The following CLSTN2 variants were observed in gnomAD, a reference collection of about 807,000 sequenced individuals.
CLSTN2 encodes the protein calsyntenin-2.
A neutral mutation model predicts 101.2 loss-of-function variants in CLSTN2; 48 were observed. The observed-to-expected ratio is 0.47, with a 90% CI of 0.38 to 0.60. The LOEUF (loss-of-function observed/expected upper bound fraction) is 0.60. Ranked by LOEUF, CLSTN2 falls within the 20% of genes least tolerant of loss-of-function variation. The probability of loss-of-function intolerance (pLI) is 0.00; values close to 1 mark genes in which losing one functional copy is unlikely to be tolerated. For synonymous variants in CLSTN2, 481 were observed against 463.6 expected, an observed-to-expected ratio of 1.04 and a Z score of -0.48; for missense variants, 1,160 against 1,238.2, an observed-to-expected ratio of 0.94 and a Z score of 0.95.
At chr3:140,311,171 A>G (rs2087163292) in intron 2 of CLSTN2, among the ~76,000 whole-genome samples, 1 of 151,544 alleles carries the variant, frequency 6.6e-6, no homozygotes, top group Admixed American at 6.6e-5. Flanking sequence ...ATATCACCAG[A>G]TTTGCATTGC....
chr3:140,039,973 G>A (rs545875342), intron 1 of CLSTN2, among the ~76,000 whole-genome samples: 58 of 152,078 alleles, frequency 3.8e-4, no homozygotes, highest in Non-Finnish European at 6.9e-4. Flanking sequence ...ATTTTAAGAC[G>A]TTTTAAGAAA....
intron 2 of CLSTN2, among the ~76,000 whole-genome samples, chr3:140,371,319 G>A (rs950041299): frequency 6.7e-6 from 1 of 149,400 alleles, no homozygotes; most frequent in Non-Finnish European, 1.5e-5. Context: ...CAAGTTCATT[G>A]GAAAAAAATC....
chr3:140,530,452 C>T (rs915098390), intron 8 of CLSTN2, among the ~76,000 whole-genome samples: 3 of 152,178 alleles, frequency 2.0e-5, no homozygotes, highest in African/African-American at 7.2e-5. Context: ...ATCTAGCATA[C>T]TTTGGAAGAA....
At chr3:140,242,948 T>C (rs916389696) in intron 2 of CLSTN2, among the ~76,000 whole-genome samples, 1 of 152,242 alleles carries the variant, frequency 6.6e-6, no homozygotes, top group Non-Finnish European at 1.5e-5. Context: ...GCACTTCCTA[T>C]GTGTTCACTT....
intron 1 of CLSTN2, among the ~76,000 whole-genome samples, chr3:140,112,733 G>T (rs1434884598): frequency 6.6e-6 from 1 of 152,124 alleles, no homozygotes; most frequent in Admixed American, 6.5e-5. Context: ...GACCTAGCAG[G>T]CACCGTGGTG....
chr3:140,070,281 A>C (rs1178677019), intron 1 of CLSTN2, among the ~76,000 whole-genome samples: 1 of 152,194 alleles, frequency 6.6e-6, no homozygotes, highest in Non-Finnish European at 1.5e-5. Context: ...TCCTAGAAAA[A>C]TATACTTTTT....
chr3:140,320,673 G>T (rs2087274315), intron 2 of CLSTN2, among the ~76,000 whole-genome samples: 1 of 151,780 alleles, frequency 6.6e-6, no homozygotes, highest in Non-Finnish European at 1.5e-5. Flanking sequence ...TATGCATAAT[G>T]TATGTATTGA....
chr3:140,197,589 T>C (rs2010662227), intron 2 of CLSTN2, among the ~76,000 whole-genome samples: 1 of 152,176 alleles, frequency 6.6e-6, no homozygotes, highest in Non-Finnish European at 1.5e-5. Flanking sequence ...GGTTCTCAAC[T>C]GAGGGTGATC....
At chr3:140,461,681 G>C (rs902834462) in intron 7 of CLSTN2, among the ~76,000 whole-genome samples, 1 of 152,000 alleles carries the variant, frequency 6.6e-6, no homozygotes, top group African/African-American at 2.4e-5. Context: ...GTAGATGCTA[G>C]AGCCCCACCC....
At chr3:140,288,935 A>G (rs1281924674) in intron 2 of CLSTN2, among the ~76,000 whole-genome samples, 1 of 114,312 alleles carries the variant, frequency 8.7e-6, no homozygotes, top group Non-Finnish European at 1.9e-5. Context: ...CTCCCCAGAC[A>G]CTCTCCTCCC....
At chr3:140,172,482 C>G (rs1046929595) in intron 1 of CLSTN2, among the ~76,000 whole-genome samples, 1 of 152,066 alleles carries the variant, frequency 6.6e-6, no homozygotes, top group African/African-American at 2.4e-5. Flanking sequence ...GGTGAAAACT[C>G]CTGGCACAGT....
intron 1 of CLSTN2, among the ~76,000 whole-genome samples, chr3:140,154,075 C>T (rs982641033): frequency 2.0e-5 from 3 of 152,128 alleles, no homozygotes; most frequent in African/African-American, 7.2e-5. Flanking sequence ...GGATAGATGA[C>T]AAAATAGTCA....
chr3:139,942,343 T>C lies in CLSTN2; in HGVS notation c.109+6860T>C, dbSNP rs1354603977. Reference sequence around the variant, plus strand: ...GCCTCAAGCAGAGGAGGCAGCCTTCTGCACTGTATAGTCCCAGATGTGTTT... The same window carrying C: ...GCCTCAAGCAGAGGAGGCAGCCTTCCGCACTGTATAGTCCCAGATGTGTTT... On this transcript the variant is annotated intron_variant, in intron 1 of 16. Coordinates refer to ENST00000458420, the MANE Select transcript of CLSTN2 (RefSeq NM_022131.3). Among the ~76,000 whole-genome samples the C allele has an allele frequency of 2.0e-5, 3 of 152,300 alleles. No individual in the cohort carries two copies. In the East Asian group the frequency reaches 5.8e-4, roughly 29 times the overall value.
At chr3:140,174,419 C>A (rs2010289555) in intron 1 of CLSTN2, among the ~76,000 whole-genome samples, 1 of 152,202 alleles carries the variant, frequency 6.6e-6, no homozygotes, top group Non-Finnish European at 1.5e-5. Flanking sequence ...TTCCTGTCTT[C>A]TTCTGAGCCC....
chr3:140,390,723 A>G (rs1418830013), intron 2 of CLSTN2, among the ~76,000 whole-genome samples: 1 of 152,186 alleles, frequency 6.6e-6, no homozygotes, highest in Non-Finnish European at 1.5e-5. Context: ...TTCTCCTTCA[A>G]GTGTTTTGAA....
At chr3:139,984,378 C>A (rs537826502) in intron 1 of CLSTN2, among the ~76,000 whole-genome samples, 2 of 152,288 alleles carry the variant, frequency 1.3e-5, no homozygotes, top group South Asian at 2.1e-4. Flanking sequence ...TCTAGTCACT[C>A]TCTCTGCTCT....
chr3:140,122,453 G>A (rs2009358655), intron 1 of CLSTN2, among the ~76,000 whole-genome samples: 2 of 152,186 alleles, frequency 1.3e-5, no homozygotes, highest in South Asian at 4.1e-4. Context: ...CTAAATCATG[G>A]ACTCCTGATT....
At chr3:139,999,291 T>A (rs1478661761) in intron 1 of CLSTN2, among the ~76,000 whole-genome samples, 1 of 152,176 alleles carries the variant, frequency 6.6e-6, no homozygotes, top group East Asian at 1.9e-4. Flanking sequence ...CAGTGTCTGT[T>A]GTTTCCATGT....
chr3:140,043,658 G>T (rs1560077686), intron 1 of CLSTN2, among the ~76,000 whole-genome samples: 4 of 152,114 alleles, frequency 2.6e-5, no homozygotes, highest in African/African-American at 9.7e-5. Context: ...ATGGTTTTAG[G>T]TCTAACATTT....
Sources: gnomAD v4.1 joint callset for allele counts (sites outside exome capture counted in the v4.1 genomes callset) on GRCh38, gnomAD v4.1.1 for gene constraint, MANE v1.5 for transcripts, NCBI Gene and HGNC (gene_info 2026-07-23, HGNC 2026-07-21) for gene names.